ANK3: variants seen among roughly 807,000 people sequenced by gnomAD.
ANK3 encodes the protein ankyrin 3.
Under a neutral mutation model 370.9 loss-of-function variants are expected in ANK3, and 57 were observed. The observed-to-expected ratio is 0.15, with a 90% confidence interval of 0.12 to 0.19. The LOEUF is 0.19. Among genes scored for constraint, ANK3 ranks in the 10% least tolerant of loss-of-function variants. ANK3 has a pLI of 1.00. For missense variants in ANK3, 4,439 were observed against 5,302.1 expected (o/e 0.84, Z 5.06); for synonymous variants, 1,929 against 1,946.3 (o/e 0.99, Z 0.23).
intron 2 of ANK3, among the ~76,000 whole-genome samples, chr10:60,470,847 G>C (rs1595097779): frequency 1.3e-5 from 2 of 152,120 alleles, no homozygotes; most frequent in Middle Eastern, 6.8e-3. Context: ...TTTACAGAGA[G>C]AACAAAACTT....
chr10:60,416,008 G>A (rs1194135707), intron 2 of ANK3, among the ~76,000 whole-genome samples: 1 of 140,606 alleles, frequency 7.1e-6, no homozygotes, highest in Non-Finnish European at 1.5e-5. Context: ...ATTAAGTCAT[G>A]AGGGTGGAGT....
At chr10:60,681,216 C>T (rs1174417309) in intron 1 of ANK3, among the ~76,000 whole-genome samples, 1 of 152,170 alleles carries the variant, frequency 6.6e-6, no homozygotes, top group Non-Finnish European at 1.5e-5. Flanking sequence ...TTGACCTCCT[C>T]CCACCTACTT....
chr10:60,692,549 C>G (rs775469613), intron 1 of ANK3, among the ~76,000 whole-genome samples: 1 of 152,196 alleles, frequency 6.6e-6, no homozygotes, highest in Non-Finnish European at 1.5e-5. Flanking sequence ...TAATTCCTGT[C>G]TGCCCAATTT....
chr10:60,561,747 C>T (rs1423093570), intron 2 of ANK3, among the ~76,000 whole-genome samples: 2 of 152,182 alleles, frequency 1.3e-5, no homozygotes, highest in Non-Finnish European at 2.9e-5. Flanking sequence ...AGGCCTTTCC[C>T]AAGCCATTCC....
At chr10:60,269,307 GATTT>G (rs2097925182) in intron 5 of ANK3, among the ~76,000 whole-genome samples, 1 of 152,086 alleles carries the variant, frequency 6.6e-6, no homozygotes, top group South Asian at 2.1e-4. Flanking sequence ...AGACAGCAAA[GATTT>G]TTTTTCTTCA....
At chr10:60,373,083 G>T (rs1201780838) in intron 1 of ANK3, among the ~76,000 whole-genome samples, 1 of 152,196 alleles carries the variant, frequency 6.6e-6, no homozygotes, top group East Asian at 1.9e-4. Flanking sequence ...TCTTGCACAT[G>T]CAATATTTTA....
At chr10:60,262,382 C>T (rs1431479918) in intron 6 of ANK3, among the ~76,000 whole-genome samples, 1 of 152,062 alleles carries the variant, frequency 6.6e-6, no homozygotes, top group Non-Finnish European at 1.5e-5. Context: ...ACAGTAAATG[C>T]CAATTTTCAT....
chr10:60,312,150 T>C (rs960017608), intron 1 of ANK3, among the ~76,000 whole-genome samples: 1 of 152,206 alleles, frequency 6.6e-6, no homozygotes, highest in African/African-American at 2.4e-5. Flanking sequence ...AAACATATCC[T>C]AGGCCAAGGG....
intron 1 of ANK3, among the ~76,000 whole-genome samples, chr10:60,719,932 A>G (rs2079840538): frequency 6.6e-6 from 1 of 152,198 alleles, no homozygotes; most frequent in Non-Finnish European, 1.5e-5. Flanking sequence ...GCTATCTATC[A>G]TAAGCAAATA....
intron 1 of ANK3, among the ~76,000 whole-genome samples, chr10:60,361,302 C>A (rs1009706363): frequency 6.6e-6 from 1 of 152,168 alleles, no homozygotes; most frequent in African/African-American, 2.4e-5. Context: ...CAGGGCAATA[C>A]AATAGTATGA....
At chr10:60,687,454 G>A (rs74676784) in intron 1 of ANK3, among the ~76,000 whole-genome samples, 7,704 of 151,948 alleles carry the variant, frequency 0.051, 273 homozygotes, top group African/African-American at 0.081. Context: ...AAAAATGCTC[G>A]ACATCACTAA....
At position 60,591,182 on chromosome 10, in the gene ANK3, G is replaced by A. The variant is rs1213290123; in HGVS notation, c.96+24004C>T. Among the ~76,000 whole-genome samples, 10 of 152,036 alleles carry A rather than the reference G, an allele frequency of 6.6e-5. No individual in the cohort carries two copies. In the East Asian group the frequency reaches 1.7e-3, roughly 26 times the overall value. ...TGGACATTTTCTGGGGCATGACCTT[G>A]GCTGTATTATTTAGCTTGCCACATT... On this transcript the variant is annotated intron_variant, in intron 2 of 43. Coordinates refer to the ANK3 transcript ENST00000373827.
intron 2 of ANK3, among the ~76,000 whole-genome samples, chr10:60,420,535 C>T (rs1260663701): frequency 2.0e-5 from 3 of 151,924 alleles, no homozygotes; most frequent in South Asian, 2.1e-4. Context: ...TAGAGGAATG[C>T]AATGAGATCC....
At chr10:60,577,459 TG>T in intron 2 of ANK3, among the ~76,000 whole-genome samples, 1 of 152,280 alleles carries the variant, frequency 6.6e-6, no homozygotes, top group East Asian at 1.9e-4. Context: ...TAACAAATCA[TG>T]GGGGCAGGTT....
At chr10:60,630,272 A>T (rs1321254310) in intron 1 of ANK3, among the ~76,000 whole-genome samples, 1 of 152,200 alleles carries the variant, frequency 6.6e-6, no homozygotes, top group East Asian at 1.9e-4. Flanking sequence ...AAAAACTAAA[A>T]TGTTTCTTTA....
chr10:60,536,142 AT>A (rs558112463), intron 2 of ANK3, among the ~76,000 whole-genome samples: 37 of 152,202 alleles, frequency 2.4e-4, no homozygotes, highest in African/African-American at 8.7e-4. Context: ...TTATCTGGTT[AT>A]TTTTCAGGAA....
intron 2 of ANK3, among the ~76,000 whole-genome samples, chr10:60,419,819 G>C (rs147225701): frequency 6.6e-6 from 1 of 152,058 alleles, no homozygotes; most frequent in African/African-American, 2.4e-5. Context: ...CATCAAAACC[G>C]AACTCGATAA....
At chr10:60,324,680 C>A (rs115274474) in intron 1 of ANK3, among the ~76,000 whole-genome samples, 6,473 of 151,968 alleles carry the variant, frequency 0.043, 362 homozygotes, top group African/African-American at 0.13. Flanking sequence ...TTTTTTGGAG[C>A]GCTCTCCCTT....
At chr10:60,060,611 G>C (rs1334375004) in intron 40 of ANK3, 1 of 152,004 alleles carries the variant, frequency 6.6e-6, no homozygotes. Flanking sequence ...AGTGGCACTG[G>C]GAAAAAAATT....
Sources: allele counts gnomAD v4.1 joint callset (sites outside exome capture counted in the v4.1 genomes callset), GRCh38; gene constraint gnomAD v4.1.1; transcripts MANE v1.5; gene names NCBI Gene and HGNC (gene_info 2026-07-23, HGNC 2026-07-21).